Variants in IGF2BP2 observed in about 807,000 individuals in gnomAD.
The protein encoded by IGF2BP2 is insulin-like growth factor 2 mRNA-binding protein 2.
Under a neutral mutation model 75.8 loss-of-function variants are expected in IGF2BP2, and 17 were observed. The observed-to-expected ratio is 0.22, with a 90% confidence interval of 0.15 to 0.34. The LOEUF (loss-of-function observed/expected upper bound fraction) is 0.34, where lower values mean the gene tolerates loss of function less well. Ranked by LOEUF, IGF2BP2 falls within the 10% of genes least tolerant of loss-of-function variation. The pLI is 1.00. For missense variants in IGF2BP2, 516 were observed against 772.4 expected, an observed-to-expected ratio of 0.67 and a Z score of 3.93; for synonymous variants, 288 against 295.6, an observed-to-expected ratio of 0.97 and a Z score of 0.26.
intron 2 of IGF2BP2, among the ~76,000 whole-genome samples, chr3:185,814,397 T>G (rs1363284140): frequency 6.6e-6 from 1 of 152,206 alleles, no homozygotes; most frequent in Non-Finnish European, 1.5e-5. Flanking sequence ...CAAGGATCAG[T>G]AGGGACCAAA....
intron 4 of IGF2BP2, chr3:185,693,168 A>G (rs1464294175): frequency 2.6e-5 from 4 of 156,446 alleles, no homozygotes; most frequent in African/African-American, 4.8e-5. Context: ...TAGTGTTGCT[A>G]AAAATCACCT....
intron 5 of IGF2BP2, among the ~76,000 whole-genome samples, chr3:185,689,930 T>C (rs1375091717): frequency 2.8e-5 from 4 of 144,798 alleles, no homozygotes; most frequent in Non-Finnish European, 6.0e-5. Flanking sequence ...ATCCTGCCAC[T>C]GCACTCCAGC....
chr3:185,730,179 G>A (rs1018193750), intron 2 of IGF2BP2, among the ~76,000 whole-genome samples: 10 of 152,046 alleles, frequency 6.6e-5, no homozygotes, highest in African/African-American at 2.2e-4. Context: ...TTATGTCTAT[G>A]TGTAGCCACT....
At chr3:185,719,841 A>AAAGG (rs1239702438) in intron 2 of IGF2BP2, among the ~76,000 whole-genome samples, 5 of 152,082 alleles carry the variant, frequency 3.3e-5, no homozygotes, top group African/African-American at 4.8e-5. Flanking sequence ...CTCAAAAAAG[A>AAAGG]AAGGAAGGAA....
chr3:185,744,464 C>G (rs886308464), intron 2 of IGF2BP2, among the ~76,000 whole-genome samples: 1 of 152,160 alleles, frequency 6.6e-6, no homozygotes, highest in African/African-American at 2.4e-5. Flanking sequence ...ATAATCCCAT[C>G]AGAGGAAACT....
At chr3:185,704,184 G>GAGAGGC (rs1479310247) in intron 2 of IGF2BP2, among the ~76,000 whole-genome samples, 1 of 152,182 alleles carries the variant, frequency 6.6e-6, no homozygotes, top group Non-Finnish European at 1.5e-5. Flanking sequence ...TACCTGTAAA[G>GAGAGGC]AGAGGCAGGT....
At chr3:185,751,739 C>A (rs1419518207) in intron 2 of IGF2BP2, among the ~76,000 whole-genome samples, 2 of 151,902 alleles carry the variant, frequency 1.3e-5, no homozygotes, top group African/African-American at 2.4e-5. Flanking sequence ...CCGAGACGGG[C>A]GGATCACGAG....
chr3:185,774,937 T>C (rs147825616), intron 2 of IGF2BP2, among the ~76,000 whole-genome samples: 2,379 of 151,424 alleles, frequency 0.016, 62 homozygotes, highest in African/African-American at 0.052. Flanking sequence ...GGAGAATCTC[T>C]TGAACCTGGG....
intron 2 of IGF2BP2, among the ~76,000 whole-genome samples, chr3:185,807,883 G>A (rs934932015): frequency 7.2e-5 from 11 of 152,098 alleles, no homozygotes; most frequent in African/African-American, 2.7e-4. Context: ...AGCCACAGAT[G>A]GCAGCTTGAC....
At chr3:185,815,821 A>G (rs548847395) in intron 2 of IGF2BP2, among the ~76,000 whole-genome samples, 159 of 152,346 alleles carry the variant, frequency 1.0e-3, no homozygotes, top group African/African-American at 3.6e-3. Flanking sequence ...AAATGCAGGA[A>G]AAGTTTACAG....
intron 2 of IGF2BP2, among the ~76,000 whole-genome samples, chr3:185,746,558 C>T (rs1275853744): frequency 6.6e-6 from 1 of 152,174 alleles, no homozygotes; most frequent in Non-Finnish European, 1.5e-5. Context: ...GAATGTCTCT[C>T]GCTTCTGGAT....
In IGF2BP2 at chr3:185,716,051, T is replaced by C. The variant is rs80242917; in HGVS notation, c.240-17704A>G. Among the ~76,000 whole-genome samples, 1,286 of 152,306 alleles carry C rather than the reference T, an allele frequency of 8.4e-3. 8 individuals carry two copies. The highest frequency in any genetic ancestry group is 0.013 in the Non-Finnish European group (853 of 68,024). On this transcript the variant is annotated intron_variant, in intron 2 of 15. Coordinates refer to ENST00000382199, the MANE Select transcript of IGF2BP2 (RefSeq NM_006548.6). ...AGCATCTCCACAATTACTATTCTAA[T>C]ACTCTTCTGTTTTTAACAGGTATTT...
chr3:185,651,651 T>C (rs1714626855), intron 13 of IGF2BP2, among the ~76,000 whole-genome samples: 1 of 152,220 alleles, frequency 6.6e-6, no homozygotes. Flanking sequence ...GCTCGAGTTA[T>C]AATTTTCCTA....
At chr3:185,659,801 CTTTTTT>C (rs35620040) in intron 10 of IGF2BP2, among the ~76,000 whole-genome samples, 1 of 144,368 alleles carries the variant, frequency 6.9e-6, no homozygotes, top group Non-Finnish European at 1.5e-5. Flanking sequence ...TGATTTGATA[CTTTTTT>C]TTTTTTGAGA....
intron 4 of IGF2BP2, among the ~76,000 whole-genome samples, chr3:185,693,788 CAACATT>C (rs2149340123): frequency 6.6e-6 from 1 of 152,258 alleles, no homozygotes; most frequent in African/African-American, 2.4e-5. Flanking sequence ...GAGTTAACAA[CAACATT>C]AAGTTAAAGA....
intron 12 of IGF2BP2, among the ~76,000 whole-genome samples, chr3:185,654,003 T>C (rs1251628070): frequency 6.6e-6 from 1 of 152,204 alleles, no homozygotes; most frequent in East Asian, 1.9e-4. Context: ...GTGTGTGCTA[T>C]AAGCCAGCTT....
At chr3:185,757,938 G>A (rs750169118) in intron 2 of IGF2BP2, among the ~76,000 whole-genome samples, 1 of 152,200 alleles carries the variant, frequency 6.6e-6, no homozygotes, top group African/African-American at 2.4e-5. Context: ...ATATAGCCAA[G>A]TCAACTGGCT....
chr3:185,709,073 C>CA (rs1301234647), intron 2 of IGF2BP2, among the ~76,000 whole-genome samples: 2 of 152,128 alleles, frequency 1.3e-5, no homozygotes, highest in African/African-American at 2.4e-5. Context: ...AGGGTAAAAA[C>CA]AAATATTTAC....
At chr3:185,690,419 AC>A (rs138089879) in intron 5 of IGF2BP2, among the ~76,000 whole-genome samples, 4 of 152,242 alleles carry the variant, frequency 2.6e-5, no homozygotes, top group Non-Finnish European at 5.9e-5. Context: ...CTTTAAAAAA[AC>A]AGTTAATATT....
Sources: allele counts gnomAD v4.1 joint callset (sites outside exome capture counted in the v4.1 genomes callset), GRCh38; gene constraint gnomAD v4.1.1; transcripts MANE v1.5; gene names NCBI Gene and HGNC (gene_info 2026-07-23, HGNC 2026-07-21).